The following SNX29 variants were observed in gnomAD, a reference collection of about 807,000 sequenced individuals.
SNX29 encodes sorting nexin-29.
In SNX29, 78 loss-of-function variants were observed where a neutral mutation model predicts 102.1. The observed-to-expected ratio is 0.76, with a 90% CI of 0.64 to 0.92. The LOEUF (loss-of-function observed/expected upper bound fraction) is 0.92, where lower values mean the gene tolerates loss of function less well. Among genes scored for constraint, SNX29 ranks in the 40% least tolerant of loss-of-function variants. The pLI is 0.00. For synonymous variants in SNX29, 580 were observed against 414.5 expected (o/e 1.40, Z -4.85); for missense variants, 1,280 against 1,061.7 (o/e 1.21, Z -2.86).
At chr16:12,535,206 T>C (rs1419739450) in intron 20 of SNX29, among the ~76,000 whole-genome samples, 2 of 152,346 alleles carry the variant, frequency 1.3e-5, no homozygotes, top group Non-Finnish European at 2.9e-5. Flanking sequence ...TGGTGTGATT[T>C]CAGCTCACTG....
At chr16:12,172,001 C>T (rs79809667) in intron 13 of SNX29, among the ~76,000 whole-genome samples, 2,692 of 152,250 alleles carry the variant, frequency 0.018, 72 homozygotes, top group African/African-American at 0.062. Flanking sequence ...CAGACATCCC[C>T]GCTGCTGCTT....
rs761273569 is a variant in SNX29 at position 12,573,452 on chromosome 16, G to A, written c.*4823G>A. 10 of 224,144 alleles carry A rather than the reference G, an allele frequency of 4.5e-5. No homozygotes were observed. The highest frequency in any genetic ancestry group is 2.2e-4 in the African/African-American group (10 of 44,872). 13.9% of individuals were successfully genotyped at this position (224,144 alleles called of 1,614,324 possible). A position where few individuals can be genotyped will look rare whatever the true frequency, so the allele number is the denominator to read the frequency against. On this transcript the variant is annotated 3_prime_UTR_variant, in exon 21 of 21. Coordinates refer to ENST00000566228, the MANE Select transcript of SNX29 (RefSeq NM_032167.5). ...TCCTTAATAAGATAGTTGAGCCTATGACATTAAGGAGCAGCGCTGCTGGCG... is the reference window on the plus strand; with the variant it reads ...TCCTTAATAAGATAGTTGAGCCTATAACATTAAGGAGCAGCGCTGCTGGCG...
intron 14 of SNX29, among the ~76,000 whole-genome samples, chr16:12,265,291 A>T (rs1340964786): frequency 6.6e-6 from 1 of 152,164 alleles, no homozygotes; most frequent in Non-Finnish European, 1.5e-5. Context: ...ATGAGTCTAA[A>T]GTTTCCATCG....
intron 20 of SNX29, among the ~76,000 whole-genome samples, chr16:12,543,878 C>T (rs754292531): frequency 6.6e-6 from 1 of 152,212 alleles, no homozygotes; most frequent in African/African-American, 2.4e-5. Flanking sequence ...TACCACACTA[C>T]AAGAGCTTGC....
chr16:12,095,626 A>G (rs915814778), intron 11 of SNX29, among the ~76,000 whole-genome samples: 1 of 152,274 alleles, frequency 6.6e-6, no homozygotes, highest in Non-Finnish European at 1.5e-5. Flanking sequence ...ATCAGAAAAC[A>G]TTTCCCCTGT....
At chr16:12,218,305 G>A (rs2077379023) in intron 14 of SNX29, among the ~76,000 whole-genome samples, 2 of 148,650 alleles carry the variant, frequency 1.3e-5, no homozygotes, top group South Asian at 2.2e-4. Flanking sequence ...ATCACCAGAG[G>A]TAATCACACA....
chr16:12,525,340 AAAAATT>A (rs1209535989), intron 20 of SNX29, among the ~76,000 whole-genome samples: 2 of 152,236 alleles, frequency 1.3e-5, no homozygotes, highest in East Asian at 3.9e-4. Flanking sequence ...AAAAAAAAAA[AAAAATT>A]AAAAGAGTTT....
chr16:12,560,151 C>G (rs1297595816), intron 20 of SNX29, among the ~76,000 whole-genome samples: 5 of 20,684 alleles, frequency 2.4e-4, no homozygotes, highest in Non-Finnish European at 1.2e-3. Flanking sequence ...CCCCAACAAA[C>G]AGTAAAGCCT....
At chr16:12,541,677 G>C (rs760883583) in intron 20 of SNX29, among the ~76,000 whole-genome samples, 1 of 152,114 alleles carries the variant, frequency 6.6e-6, no homozygotes. Context: ...GCTGACACCC[G>C]TTTACCACTA....
At chr16:12,422,135 G>A (rs1353283488) in intron 18 of SNX29, among the ~76,000 whole-genome samples, 2 of 152,172 alleles carry the variant, frequency 1.3e-5, no homozygotes, top group African/African-American at 4.8e-5. Flanking sequence ...GAAAGAGGCA[G>A]CATTTTTCTC....
chr16:12,314,831 T>A (rs2151149896), intron 15 of SNX29, among the ~76,000 whole-genome samples: 1 of 152,360 alleles, frequency 6.6e-6, no homozygotes, highest in Non-Finnish European at 1.5e-5. Context: ...CATCATGTCC[T>A]TGCCCTTGAT....
intron 10 of SNX29, among the ~76,000 whole-genome samples, chr16:12,069,359 G>A (rs1374714955): frequency 1.3e-5 from 2 of 151,886 alleles, no homozygotes; most frequent in African/African-American, 4.8e-5. Flanking sequence ...TCCGCCTCCC[G>A]AGATCAAGCG....
chr16:12,369,377 C>G (rs540737610), intron 16 of SNX29, among the ~76,000 whole-genome samples: 1 of 151,910 alleles, frequency 6.6e-6, no homozygotes, highest in Non-Finnish European at 1.5e-5. Flanking sequence ...CTCAAGTGAT[C>G]GACCCACCTT....
At chr16:12,200,270 G>C (rs552483107) in intron 14 of SNX29, among the ~76,000 whole-genome samples, 3 of 152,232 alleles carry the variant, frequency 2.0e-5, no homozygotes, top group Non-Finnish European at 2.9e-5. Context: ...GCAGATAGAA[G>C]AACAGTCATG....
chr16:12,551,777 G>A lies in SNX29; in HGVS notation c.2319-16729G>A, dbSNP rs185426065. Among the ~76,000 whole-genome samples, 1,022 of 152,282 alleles carry A rather than the reference G, an allele frequency of 6.7e-3. 10 individuals carry two copies. The highest frequency in any genetic ancestry group is 0.023 in the African/African-American group (964 of 41,550). ...TGCCTTGTACACATACCAGGGGCCC[G>A]CTTCAGAAGCACATGGGCATCAAAC... On this transcript the variant is annotated intron_variant, in intron 20 of 20. Transcript: ENST00000566228.
intron 11 of SNX29, among the ~76,000 whole-genome samples, chr16:12,115,578 T>G (rs925240344): frequency 3.3e-5 from 5 of 151,794 alleles, no homozygotes; most frequent in Non-Finnish European, 7.4e-5. Context: ...AGCCTGTTAT[T>G]CACAAGAGCT....
intron 19 of SNX29, among the ~76,000 whole-genome samples, chr16:12,508,017 C>T (rs1288205533): frequency 8.5e-5 from 13 of 152,224 alleles, no homozygotes; most frequent in Admixed American, 8.5e-4. Flanking sequence ...GTTCAAATCC[C>T]AGCTCTGACG....
chr16:12,383,763 G>C (rs866466209), intron 16 of SNX29, among the ~76,000 whole-genome samples: 1 of 138,986 alleles, frequency 7.2e-6, no homozygotes, highest in East Asian at 2.1e-4. Context: ...AAAAAGATAC[G>C]TCAACTTTCT....
intron 20 of SNX29, chr16:12,560,989 A>G (rs568703911): frequency 1.4e-5 from 3 of 215,260 alleles, no homozygotes; most frequent in South Asian, 1.9e-4. Flanking sequence ...GGGTACTGCC[A>G]GAGCCATTTC....
Sources: allele counts gnomAD v4.1 joint callset (sites outside exome capture counted in the v4.1 genomes callset), GRCh38; gene constraint gnomAD v4.1.1; transcripts MANE v1.5; gene names NCBI Gene and HGNC (gene_info 2026-07-23, HGNC 2026-07-21).